The following TIGIT variants were observed in gnomAD, a reference collection of about 807,000 sequenced individuals.
The protein encoded by TIGIT is T cell immunoreceptor with Ig and ITIM domains.
TIGIT carries 11 observed loss-of-function variants against 19.6 expected under a neutral mutation model. The observed-to-expected ratio is 0.56, with a 90% confidence interval of 0.35 to 0.93. The LOEUF (loss-of-function observed/expected upper bound fraction) is 0.93. Among genes scored for constraint, TIGIT ranks in the 40% least tolerant of loss-of-function variants. The probability of loss-of-function intolerance (pLI) is 0.01; values close to 1 mark genes in which losing one functional copy is unlikely to be tolerated. For missense variants in TIGIT, 295 were observed against 303.9 expected, an observed-to-expected ratio of 0.97 and a Z score of 0.22; for synonymous variants, 130 against 125.5, an observed-to-expected ratio of 1.04 and a Z score of -0.24.
At chr3:114,296,119 A>G in intron 2 of TIGIT, 1 of 455,898 alleles carries the variant, frequency 2.2e-6, no homozygotes, top group Non-Finnish European at 3.9e-6. Context: ...GCCAATACTG[A>G]GAACCACTGT....
chr3:114,307,821 GA>G (rs2078545447), intron 3 of TIGIT, 73 bp from the exon 4 acceptor site: 2 of 1,334,494 alleles, frequency 1.5e-6, no homozygotes, highest in African/African-American at 1.4e-5. Context: ...GAAAGGAAGA[GA>G]GAGATGTCAT....
At chr3:114,298,275 C>A (rs2078467999) in intron 2 of TIGIT, among the ~76,000 whole-genome samples, 1 of 152,136 alleles carries the variant, frequency 6.6e-6, no homozygotes, top group South Asian at 2.1e-4. Context: ...TATTTCAAAC[C>A]AAAAATTCCA....
In TIGIT at chr3:114,310,230, T is replaced by C. The variant is rs1366090366; in HGVS notation, c.*2099T>C. Reference sequence around the variant, plus strand: ...ATACTATTTCAGTAGTTTTGGTATATTGTGTGTCAAAAATGATAATATTTT... The same window carrying C: ...ATACTATTTCAGTAGTTTTGGTATACTGTGTGTCAAAAATGATAATATTTT... On this transcript the variant is annotated 3_prime_UTR_variant, in exon 4 of 4. Coordinates refer to ENST00000383671, the MANE Select transcript of TIGIT (RefSeq NM_173799.4). 6.6e-6 allele frequency: 1 copy of C among 152,204 alleles called. No individual in the cohort carries two copies. The highest frequency in any genetic ancestry group is 1.5e-5 in the Non-Finnish European group (1 of 68,030). The allele number at this position is 152,204 out of a possible 1,614,324, so 9.4% of individuals were successfully genotyped here. A position where few individuals can be genotyped will look rare whatever the true frequency, so the allele number is the denominator to read the frequency against.
At chr3:114,304,883 C>G (rs1055402854) in intron 3 of TIGIT, among the ~76,000 whole-genome samples, 1 of 152,216 alleles carries the variant, frequency 6.6e-6, no homozygotes, top group African/African-American at 2.4e-5. Context: ...TCCTCCTCTA[C>G]TATCAAGATG....
At position 114,303,639 on chromosome 3, in the gene TIGIT, A is replaced by G. The variant is rs1467968122; in HGVS notation, c.498+3936A>G. 7.1e-4 allele frequency among the ~76,000 whole-genome samples: 99 copies of G among 140,046 alleles called. 3 individuals are homozygous for G. The highest frequency in any genetic ancestry group is 1.6e-3 in the African/African-American group (62 of 38,062). The allele number at this position is 140,046 out of a possible 152,430, so 91.9% of individuals were successfully genotyped here. A position where few individuals can be genotyped will look rare whatever the true frequency, so the allele number is the denominator to read the frequency against. ...TATATATGTATATATATACACACAC[A>G]CACACACACACACACACAGACACAT... On this transcript the variant is annotated intron_variant, in intron 3 of 3. Transcript: ENST00000383671.
chr3:114,299,251 TAAAAG>T (rs1343980107), intron 2 of TIGIT, among the ~76,000 whole-genome samples: 2 of 152,250 alleles, frequency 1.3e-5, no homozygotes, highest in African/African-American at 4.8e-5. Context: ...TGAAGTTCAA[TAAAAG>T]AAAATATTCA....
At chr3:114,303,729 C>T (rs1421189647) in intron 3 of TIGIT, among the ~76,000 whole-genome samples, 4 of 151,558 alleles carry the variant, frequency 2.6e-5, no homozygotes, top group Admixed American at 6.6e-5. Context: ...TTTGCAATTG[C>T]AAATTGTGCT....
chr3:114,304,559 C>T (rs1644999325), intron 3 of TIGIT, among the ~76,000 whole-genome samples: 1 of 152,216 alleles, frequency 6.6e-6, no homozygotes, highest in African/African-American at 2.4e-5. Flanking sequence ...CTACCACAAT[C>T]CATCACCTTC....
intron 3 of TIGIT, among the ~76,000 whole-genome samples, chr3:114,302,057 A>G (rs568934708): frequency 6.6e-6 from 1 of 152,240 alleles, no homozygotes; most frequent in South Asian, 2.1e-4. Flanking sequence ...TGGAGCCTGG[A>G]AGGAGAGAGT....
Position 114,308,007 on chromosome 3 carries a change from A to T in TIGIT, c.611A>T (p.Glu204Val), listed in dbSNP as rs749664204. Residue 204 changes from glutamate (E) to valine (V), a missense_variant, in exon 4 of 4, where the codon GAA (glutamate) becomes GTA (valine). Coordinates refer to ENST00000383671, the MANE Select transcript of TIGIT (RefSeq NM_173799.4). ...PSPPGSCVQAEAAPAGLCGEQ... is the reference protein window; with the variant it reads ...PSPPGSCVQAVAAPAGLCGEQ... ...CCCCCAGGAAGCTGTGTCCAGGCAG[A>T]AGCTGCACCTGCTGGGCTCTGTGGA... 10 of 1,614,180 alleles carry T rather than the reference A, an allele frequency of 6.2e-6. No individual in the cohort carries two copies. The highest frequency in any genetic ancestry group is 8.5e-6 in the Non-Finnish European group (10 of 1,180,032).
chr3:114,309,164 A>T lies in TIGIT; in HGVS notation c.*1033A>T, dbSNP rs1372091759. On this transcript the variant is annotated 3_prime_UTR_variant, in exon 4 of 4. Transcript: ENST00000383671. ...ACTAAAAAGAAAATGTGGATTTTTA[A>T]AATAGGGACTCTTCCTAGGGGAAAA... 1.3e-5 allele frequency: 2 copies of T among 152,248 alleles called. No individual in the cohort carries two copies. Among genetic ancestry groups the T allele is most frequent in the African/African-American group, 4.8e-5 (2 of 41,462 alleles). The allele number at this position is 152,248 out of a possible 1,614,324, so 9.4% of individuals were successfully genotyped here. A position where few individuals can be genotyped will look rare whatever the true frequency, so the allele number is the denominator to read the frequency against.
chr3:114,294,100 G>A lies in TIGIT; in HGVS notation c.39G>A (p.Leu13=). The A allele has an allele frequency of 6.4e-7, 1 of 1,555,276 alleles. No individual in the cohort carries two copies. Among genetic ancestry groups the A allele is most frequent in the South Asian group, 1.2e-5 (1 of 84,354 alleles). ...TCCTCCTGATCTGGGCCCAGGGGCT[G>A]AGGCAGGCTCCCCTCGCCTCAGGTA... ...WCLLLIWAQG[L]RQAPLASGMM... is the part of the protein sequence containing the mutation. The change falls in exon 1 of 4, where the codon CTG becomes CTA. Residue 13 remains leucine (L), a synonymous_variant. Coordinates refer to ENST00000383671, the MANE Select transcript of TIGIT (RefSeq NM_173799.4).
chr3:114,306,151 A>C (rs1327077834), intron 3 of TIGIT, among the ~76,000 whole-genome samples: 1 of 152,310 alleles, frequency 6.6e-6, no homozygotes, highest in Admixed American at 6.5e-5. Flanking sequence ...TGGTGTCCTG[A>C]TGTCCAAGGA....
At chr3:114,299,278 T>C (rs1292502146) in intron 2 of TIGIT, among the ~76,000 whole-genome samples, 1 of 152,248 alleles carries the variant, frequency 6.6e-6, no homozygotes, top group African/African-American at 2.4e-5. Flanking sequence ...TTTCTGAGTT[T>C]TTTTCTGGAA....
intron 3 of TIGIT, among the ~76,000 whole-genome samples, chr3:114,304,681 A>G (rs2078519259): frequency 6.6e-6 from 1 of 152,182 alleles, no homozygotes; most frequent in Non-Finnish European, 1.5e-5. Flanking sequence ...CTCCATTAGC[A>G]TGGGCTGAGA....
Position 114,308,238 on chromosome 3 carries a change from T to A in TIGIT, c.*107T>A, listed in dbSNP as rs1483046243. 2.6e-6 allele frequency: 2 copies of A among 758,180 alleles called. No individual in the cohort carries two copies. The highest frequency in any genetic ancestry group is 4.4e-6 in the Non-Finnish European group (2 of 454,932). 47.0% of individuals were successfully genotyped at this position (758,180 alleles called of 1,614,324 possible). On this transcript the variant is annotated 3_prime_UTR_variant, in exon 4 of 4. Transcript: ENST00000383671. ...TGCTGCGTGTGTGTGTGTGTGTGTA[T>A]GTGTGTGTGTGTTCAGTTGAGTGAA...
At chr3:114,303,885 T>C (rs1178501392) in intron 3 of TIGIT, among the ~76,000 whole-genome samples, 1 of 152,174 alleles carries the variant, frequency 6.6e-6, no homozygotes, top group African/African-American at 2.4e-5. Context: ...ACAAGCAGTG[T>C]AAAAGTGTTC....
chr3:114,294,387 CAGG>C (rs2107946295), intron 1 of TIGIT, among the ~76,000 whole-genome samples: 1 of 152,232 alleles, frequency 6.6e-6, no homozygotes, highest in Admixed American at 6.5e-5. Flanking sequence ...CAAGAAGGAG[CAGG>C]AGAAGAAGAA....
At chr3:114,303,551 GTA>G (rs1236072928) in intron 3 of TIGIT, among the ~76,000 whole-genome samples, 12 of 5,764 alleles carry the variant, frequency 2.1e-3, no homozygotes, top group African/African-American at 3.2e-3. Context: ...ACATATATAT[GTA>G]TATATATATA....
Sources: gnomAD v4.1 joint callset for allele counts (sites outside exome capture counted in the v4.1 genomes callset) on GRCh38, gnomAD v4.1.1 for gene constraint, MANE v1.5 for transcripts, NCBI Gene and HGNC (gene_info 2026-07-23, HGNC 2026-07-21) for gene names.